Variants in ADAM12 observed in about 807,000 individuals in gnomAD.
ADAM12 encodes ADAM metallopeptidase domain 12.
In ADAM12, 70 loss-of-function variants were observed where a neutral mutation model predicts 106.4. The observed-to-expected ratio is 0.66, with a 90% CI of 0.54 to 0.80. The LOEUF (loss-of-function observed/expected upper bound fraction) is 0.80, where lower values mean the gene tolerates loss of function less well. Among genes scored for constraint, ADAM12 ranks in the 30% least tolerant of loss-of-function variants. The pLI, the probability that ADAM12 is intolerant of heterozygous loss-of-function variation, is 0.00. For synonymous variants in ADAM12, 420 were observed against 433.5 expected (o/e 0.97, Z 0.39); for missense variants, 1,010 against 1,171.9 (o/e 0.86, Z 2.02).
At chr10:126,139,092 T>A (rs368393176) in intron 4 of ADAM12, among the ~76,000 whole-genome samples, 6 of 152,324 alleles carry the variant, frequency 3.9e-5, no homozygotes, top group African/African-American at 1.2e-4. Flanking sequence ...AATTACAGAA[T>A]CCAATTTTAA....
At chr10:126,025,972 A>C (rs1408017685) in intron 21 of ADAM12, among the ~76,000 whole-genome samples, 4 of 152,180 alleles carry the variant, frequency 2.6e-5, no homozygotes, top group Non-Finnish European at 5.9e-5. Context: ...GTGGAAACCC[A>C]ATAAGCTAGA....
At chr10:126,330,559 T>C in intron 1 of ADAM12, 50 bp from the exon 2 acceptor site, 1 of 1,517,384 alleles carries the variant, frequency 6.6e-7, no homozygotes, top group Non-Finnish European at 9.0e-7. Context: ...CAGGAAGAGT[T>C]TGGCATCAGA....
At chr10:126,296,365 C>T (rs1187679084) in intron 2 of ADAM12, among the ~76,000 whole-genome samples, 5 of 152,172 alleles carry the variant, frequency 3.3e-5, no homozygotes, top group African/African-American at 1.2e-4. Context: ...GAACTTCTGG[C>T]TTCAAGCGAT....
intron 3 of ADAM12, among the ~76,000 whole-genome samples, chr10:126,222,891 T>C (rs1227949711): frequency 6.6e-6 from 1 of 152,182 alleles, no homozygotes; most frequent in Non-Finnish European, 1.5e-5. Context: ...CTTTATCCAA[T>C]GCGTAGTCCA....
At position 126,260,466 on chromosome 10, in the gene ADAM12, A is replaced by T. The variant is rs184229111; in HGVS notation, c.260+18449T>A. 1.8e-4 allele frequency among the ~76,000 whole-genome samples: 28 copies of T among 152,344 alleles called. 2 individuals carry two copies. In the East Asian group the frequency reaches 4.2e-3, roughly 23 times the overall value. The stretch of plus-strand genomic sequence containing the variant: ...TGGAGGAACCAATGGGCTGCTCTTC[A>T]TCTGCTTCTTATTTAGAAAAATTGG... On this transcript the variant is annotated intron_variant, in intron 3 of 22. Coordinates refer to ENST00000448723, the MANE Select transcript of ADAM12 (RefSeq NM_001288973.2).
chr10:126,179,760 A>G (rs1050610539), intron 3 of ADAM12, among the ~76,000 whole-genome samples: 3 of 152,170 alleles, frequency 2.0e-5, no homozygotes, highest in African/African-American at 7.2e-5. Context: ...ATCAAGAGGT[A>G]AGAAAGTATA....
intron 3 of ADAM12, among the ~76,000 whole-genome samples, chr10:126,277,998 T>G (rs4545450): frequency 0.014 from 2,138 of 152,258 alleles, 60 homozygotes; most frequent in African/African-American, 0.048. Flanking sequence ...TGAGTCAGGT[T>G]CTGGGACTCC....
At chr10:126,110,740 A>T (rs974935625) in intron 6 of ADAM12, among the ~76,000 whole-genome samples, 2 of 152,230 alleles carry the variant, frequency 1.3e-5, no homozygotes, top group Non-Finnish European at 2.9e-5. Context: ...TCTGTGAATT[A>T]CTGGAAGAAT....
At chr10:126,045,460 G>T (rs1165328652) in intron 17 of ADAM12, among the ~76,000 whole-genome samples, 2 of 152,174 alleles carry the variant, frequency 1.3e-5, no homozygotes, top group Admixed American at 1.3e-4. Flanking sequence ...TGTAGGAAAG[G>T]TTTCAGGAAA....
chr10:126,163,008 T>G (rs1225748230), intron 3 of ADAM12, among the ~76,000 whole-genome samples: 1 of 152,092 alleles, frequency 6.6e-6, no homozygotes, highest in Non-Finnish European at 1.5e-5. Flanking sequence ...ATGTGGCACC[T>G]CCTCCTCCCA....
chr10:126,050,105 A>G (rs527905596), intron 14 of ADAM12, among the ~76,000 whole-genome samples: 1 of 152,358 alleles, frequency 6.6e-6, no homozygotes, highest in East Asian at 1.9e-4. Flanking sequence ...AAGCCAGGGC[A>G]GGCTCCAAAG....
At chr10:126,324,563 A>C (rs1854223230) in intron 2 of ADAM12, among the ~76,000 whole-genome samples, 1 of 152,204 alleles carries the variant, frequency 6.6e-6, no homozygotes, top group Non-Finnish European at 1.5e-5. Flanking sequence ...TAGACAGAGT[A>C]CCCTACCTCC....
At chr10:126,098,108 G>C (rs115084176) in intron 10 of ADAM12, among the ~76,000 whole-genome samples, 9,077 of 152,240 alleles carry the variant, frequency 0.06, 884 homozygotes, top group African/African-American at 0.21. Context: ...CAATGCCCTG[G>C]CTCACCCCAG....
At chr10:126,380,910 C>A (rs918656164) in intron 1 of ADAM12, among the ~76,000 whole-genome samples, 1 of 152,262 alleles carries the variant, frequency 6.6e-6, no homozygotes, top group Admixed American at 6.5e-5. Flanking sequence ...CTGCAGAAAC[C>A]ATTTAGCTTA....
chr10:126,379,487 A>G (rs1856416218), intron 1 of ADAM12, among the ~76,000 whole-genome samples: 1 of 152,184 alleles, frequency 6.6e-6, no homozygotes, highest in African/African-American at 2.4e-5. Flanking sequence ...TGGGAGTTGA[A>G]CAATGAGAAC....
chr10:126,368,584 T>C (rs1361817790), intron 1 of ADAM12, among the ~76,000 whole-genome samples: 4 of 151,984 alleles, frequency 2.6e-5, no homozygotes, highest in African/African-American at 7.2e-5. Context: ...CCAAGTTCAA[T>C]GTAAGAAAGC....
intron 3 of ADAM12, among the ~76,000 whole-genome samples, chr10:126,160,211 G>A (rs12767127): frequency 0.093 from 14,120 of 152,146 alleles, 781 homozygotes; most frequent in Admixed American, 0.12. Context: ...AAATGCAGGC[G>A]GTGAATGTTA....
At chr10:126,293,067 A>T (rs1960226567) in intron 2 of ADAM12, among the ~76,000 whole-genome samples, 1 of 152,160 alleles carries the variant, frequency 6.6e-6, no homozygotes, top group African/African-American at 2.4e-5. Flanking sequence ...TGCTCGACCA[A>T]GTTTCACAGG....
intron 6 of ADAM12, among the ~76,000 whole-genome samples, chr10:126,116,938 G>A (rs1283064998): frequency 2.0e-5 from 3 of 152,158 alleles, no homozygotes; most frequent in Non-Finnish European, 1.5e-5. Flanking sequence ...AATATTGAGT[G>A]CTAAGCAGTG....
Sources: gnomAD v4.1 joint callset for allele counts (sites outside exome capture counted in the v4.1 genomes callset) on GRCh38, gnomAD v4.1.1 for gene constraint, MANE v1.5 for transcripts, NCBI Gene and HGNC (gene_info 2026-07-23, HGNC 2026-07-21) for gene names.